Variants in RPS18 observed in about 807,000 individuals in gnomAD.
The protein encoded by RPS18 is ribosomal protein S18.
For synonymous variants in RPS18, 64 were observed against 70.9 expected, an observed-to-expected ratio of 0.90 and a Z score of 0.49; for missense variants, 49 against 200.8, an observed-to-expected ratio of 0.24 and a Z score of 4.57.
intron 5 of RPS18, 30 bp downstream of exon 5, chr6:33,276,297 C>T (rs1221874190): frequency 1.2e-6 from 2 of 1,606,626 alleles, no homozygotes; most frequent in African/African-American, 1.3e-5. Context: ...TCCCTGCCTA[C>T]CTCGACTCAG....
chr6:33,273,116 A>G (rs1482233613), intron 2 of RPS18, among the ~76,000 whole-genome samples: 1 of 152,164 alleles, frequency 6.6e-6, no homozygotes, highest in Non-Finnish European at 1.5e-5. Flanking sequence ...GAATTGGAGG[A>G]TTATTGGGCA....
At chr6:33,275,508 G>A (rs1765568631) in intron 2 of RPS18, 3 of 409,702 alleles carry the variant, frequency 7.3e-6, no homozygotes, top group Non-Finnish European at 1.3e-5. Context: ...AGTAGAGACA[G>A]GGTTTCACCA....
intron 2 of RPS18, chr6:33,275,214 C>G (rs1473513928): frequency 6.4e-6 from 1 of 155,834 alleles, no homozygotes; most frequent in East Asian, 1.9e-4. Flanking sequence ...TTAGTGACAA[C>G]TACATATGCT....
At chr6:33,275,485 T>C (rs1765567510) in intron 2 of RPS18, 1 of 323,794 alleles carries the variant, frequency 3.1e-6, no homozygotes, top group African/African-American at 2.2e-5. Flanking sequence ...TCAGCAACTT[T>C]TCTTGTATTT....
chr6:33,275,917 A>G, intron 3 of RPS18, 34 bp downstream of exon 3: 1 of 1,607,284 alleles, frequency 6.2e-7, no homozygotes, highest in Non-Finnish European at 8.5e-7. Flanking sequence ...GGGTGGGGTC[A>G]GCCTCAGAAA....
At position 33,272,209 on chromosome 6, in the gene RPS18, C is replaced by T. The variant is rs1391880885; in HGVS notation, c.3+87C>T. ...GTCAGGGTTCTGGAAACGTCCTGCC[C>T]TGAGGGCCTGCGACTTTCTGTATGG... On this transcript the variant is annotated intron_variant, in intron 1 of 5. Coordinates refer to ENST00000439602, the MANE Select transcript of RPS18 (RefSeq NM_022551.3). 5 of 1,434,524 alleles carry T rather than the reference C, an allele frequency of 3.5e-6. No individual in the cohort carries two copies. In the East Asian group the frequency reaches 7.4e-5, roughly 21 times the overall value. The allele number at this position is 1,434,524 out of a possible 1,614,324, so 88.9% of individuals were successfully genotyped here.
chr6:33,272,232 T>A (rs572500580), intron 1 of RPS18, 110 bp downstream of exon 1: 1 of 1,231,934 alleles, frequency 8.1e-7, no homozygotes, highest in Non-Finnish European at 1.2e-6. Context: ...ACTTTCTGTA[T>A]GGAGCCTTGG....
At chr6:33,275,751 A>G in intron 2 of RPS18, 46 bp from the exon 3 acceptor site, 2 of 1,256,736 alleles carry the variant, frequency 1.6e-6, no homozygotes, top group South Asian at 1.2e-5. Context: ...AAAGGAATTT[A>G]AAAATCAGAT....
chr6:33,272,506 G>T, intron 1 of RPS18, 122 bp from the exon 2 acceptor site: 1 of 734,110 alleles, frequency 1.4e-6, no homozygotes, highest in Non-Finnish European at 2.5e-6. Flanking sequence ...GGAATGGGGG[G>T]CGGGTGTCTT....
chr6:33,275,677 C>A, intron 2 of RPS18, 120 bp from the exon 3 acceptor site: 1 of 760,134 alleles, frequency 1.3e-6, no homozygotes, highest in Non-Finnish European at 2.4e-6. Context: ...GAAAGGGTGA[C>A]CTAGGGGATT....
At chr6:33,272,587 T>C (rs1403836991) in intron 1 of RPS18, 41 bp from the exon 2 acceptor site, 4 of 891,618 alleles carry the variant, frequency 4.5e-6, no homozygotes, top group Non-Finnish European at 7.7e-6. Flanking sequence ...TGTTTGATAG[T>C]TTACTGTGTC....
intron 2 of RPS18, chr6:33,275,567 C>G: frequency 3.5e-6 from 2 of 566,316 alleles, no homozygotes; most frequent in East Asian, 6.1e-5. Context: ...CATCTGCCCA[C>G]TTGGGCCTCC....
intron 5 of RPS18, 33 bp downstream of exon 5, chr6:33,276,300 C>T (rs377680692): frequency 2.5e-6 from 4 of 1,605,264 alleles, no homozygotes; most frequent in African/African-American, 2.7e-5. Context: ...CTGCCTACCT[C>T]GACTCAGCAT....
At chr6:33,274,263 ACT>A (rs1303937701) in intron 2 of RPS18, among the ~76,000 whole-genome samples, 4 of 152,040 alleles carry the variant, frequency 2.6e-5, no homozygotes, top group African/African-American at 7.2e-5. Flanking sequence ...TGGCGGAATC[ACT>A]CTTCACTGCA....
rs375328339 is a variant in RPS18 at position 33,276,377 on chromosome 6, C to T, written c.384-14C>T. 11 of 1,613,768 alleles carry T rather than the reference C, an allele frequency of 6.8e-6. No individual in the cohort carries two copies. Among genetic ancestry groups the T allele is most frequent in the Non-Finnish European group, 9.3e-6 (11 of 1,179,818 alleles). On this transcript the variant is annotated splice_polypyrimidine_tract_variant and intron_variant, in intron 5 of 5. Coordinates refer to ENST00000439602, the MANE Select transcript of RPS18 (RefSeq NM_022551.3). ...GCTGTGCATGACCTGTGACTCTTCT[C>T]TTTTTACCTGCAGCCTTCGTGTCCG...
chr6:33,275,492 AT>A, intron 2 of RPS18: 3 of 334,554 alleles, frequency 9.0e-6, no homozygotes, highest in Non-Finnish European at 1.7e-5. Flanking sequence ...CTTTTCTTGT[AT>A]TTTTAGTAGA....
intron 2 of RPS18, among the ~76,000 whole-genome samples, chr6:33,273,100 C>T (rs1210561178): frequency 1.3e-5 from 2 of 152,054 alleles, no homozygotes; most frequent in Non-Finnish European, 2.9e-5. Context: ...AATTTATATT[C>T]CCTGAGAATT....
chr6:33,275,658 G>T, intron 2 of RPS18, 139 bp from the exon 3 acceptor site: 1 of 719,878 alleles, frequency 1.4e-6, no homozygotes, highest in Non-Finnish European at 2.5e-6. Flanking sequence ...ATCTGGAAAG[G>T]TGGGTGAGGA....
chr6:33,272,396 C>A (rs1012439253), intron 1 of RPS18: 1 of 604,712 alleles, frequency 1.7e-6, no homozygotes, highest in Non-Finnish European at 2.9e-6. Context: ...GGGCAGGAGA[C>A]CTGCTTCCTC....
Sources: gnomAD v4.1 joint callset for allele counts (sites outside exome capture counted in the v4.1 genomes callset) on GRCh38, gnomAD v4.1.1 for gene constraint, MANE v1.5 for transcripts, NCBI Gene and HGNC (gene_info 2026-07-23, HGNC 2026-07-21) for gene names.